SETD6: variants seen among roughly 807,000 people sequenced by gnomAD.
The protein encoded by SETD6 is N-lysine methyltransferase SETD6.
SETD6 carries 67 observed loss-of-function variants against 52.7 expected under a neutral mutation model. The ratio of observed to expected loss-of-function variants is 1.27; its 90% CI spans 1.04 to 1.56. The LOEUF (loss-of-function observed/expected upper bound fraction) is 1.56. Among genes scored for constraint, SETD6 ranks in the 40% most tolerant of loss-of-function variants. The pLI is 0.00. For missense variants in SETD6, 712 were observed against 607.5 expected, an observed-to-expected ratio of 1.17 and a Z score of -1.81; for synonymous variants, 307 against 250.2, an observed-to-expected ratio of 1.23 and a Z score of -2.14.
Position 58,518,927 on chromosome 16 carries a change from T to C in SETD6, c.1320T>C (p.Asn440=). ...AAACTGACCAAGGTTTACTCAGTAA[T>C]AAGGAAGTCTATGCGAAACTCAGCT... The part of the protein sequence containing the change: ...DLKTDQGLLS[N]KEVYAKLSWR... Residue 440 remains asparagine (N), a synonymous_variant, in exon 8 of 8, where the codon AAT becomes AAC. Transcript: ENST00000219315. 1.2e-6 allele frequency: 2 copies of C among 1,614,160 alleles called. No homozygotes were observed. Among genetic ancestry groups the C allele is most frequent in the Non-Finnish European group, 1.7e-6 (2 of 1,180,030 alleles).
rs1162780139 is a variant in SETD6, at chr16:58,520,869, G to A, written c.*1840G>A. 2.0e-5 allele frequency: 27 copies of A among 1,364,972 alleles called. No individual in the cohort carries two copies. Among genetic ancestry groups the A allele is most frequent in the Non-Finnish European group, 2.7e-5 (26 of 968,438 alleles). 84.6% of individuals were successfully genotyped at this position (1,364,972 alleles called of 1,614,324 possible). A position where few individuals can be genotyped will look rare whatever the true frequency, so the allele number is the denominator to read the frequency against. Reference sequence around the variant, plus strand: ...ACAAACCAAAGGGCTGGGAAAGTCAGGAAGAGCTGAAAGGATTCTTCAGTC... The same window carrying A: ...ACAAACCAAAGGGCTGGGAAAGTCAAGAAGAGCTGAAAGGATTCTTCAGTC... On this transcript the variant is annotated 3_prime_UTR_variant, in exon 8 of 8. Coordinates refer to ENST00000219315, the MANE Select transcript of SETD6 (RefSeq NM_001160305.4).
At position 58,516,756 on chromosome 16, in the gene SETD6, C is replaced by G. The variant is rs3743568; in HGVS notation, c.672-52C>G. ...AAAAGTGGAAAAACAGTGAAATCCA[C>G]CCCCAGTCCCTCACCCAAGACAGGG... is the stretch of plus-strand genomic sequence containing the variant. On this transcript the variant is annotated intron_variant, in intron 4 of 7. Transcript: ENST00000219315. 3,069 of 1,611,822 alleles carry G rather than the reference C, an allele frequency of 1.9e-3. 55 individuals are homozygous for G. The Admixed American group carries it at 0.036, about 19-fold the overall frequency.
In SETD6 at chr16:58,516,305, C is replaced by T; in HGVS notation, c.438C>T (p.Leu146=). 2 of 1,606,376 alleles carry T rather than the reference C, an allele frequency of 1.2e-6. No homozygotes were observed. Among genetic ancestry groups the T allele is most frequent in the Non-Finnish European group, 1.7e-6 (2 of 1,179,890 alleles). ...PASRWRPYFA[L]WPELGRLEHP... ...CACGCTGGAGGCCCTACTTTGCGCT[C>T]TGGCCCGAGCTGGGCCGCTTGGAGC... Residue 146 remains leucine, a synonymous_variant, in exon 3 of 8, where the codon CTC becomes CTT. Transcript: ENST00000219315.
Position 58,515,822 on chromosome 16 carries a change from A to ATCCTGTGGCCTGCT in SETD6, c.65_78dup (p.Ser27TrpfsTer5). On this transcript the variant is annotated frameshift_variant, in exon 2 of 8. Transcript: ENST00000219315. LOFTEE classifies it high-confidence loss of function. ...GGGCCCGTGGACGGCGGCGACCTGG[A>ATCCTGTGGCCTGCT]TCCTGTGGCCTGCTTCCTGAGCTGG... 2.6e-6 allele frequency: 4 copies of ATCCTGTGGCCTGCT among 1,536,964 alleles called. No individual in the cohort carries two copies. Among genetic ancestry groups the ATCCTGTGGCCTGCT allele is most frequent in the Non-Finnish European group, 3.5e-6 (4 of 1,151,072 alleles).
chr16:58,518,025 G>A (rs757950087), intron 5 of SETD6, 26 bp from the exon 6 acceptor site: 1 of 1,613,902 alleles, frequency 6.2e-7, no homozygotes, highest in Non-Finnish European at 8.5e-7. Flanking sequence ...GAAAGGCATG[G>A]CCCCAGCTTC....
chr16:58,519,688 C>T lies in SETD6; in HGVS notation c.*659C>T, dbSNP rs1271187015. ...TACCTGGGGGAAAAGGATATTAAAACTGGGTATTTTAAACTCAGCTTAACC... is the reference window on the plus strand; with the variant it reads ...TACCTGGGGGAAAAGGATATTAAAATTGGGTATTTTAAACTCAGCTTAACC... On this transcript the variant is annotated 3_prime_UTR_variant, in exon 8 of 8. Transcript: ENST00000219315. 6.6e-6 allele frequency: 1 copy of T among 151,172 alleles called. No individual in the cohort carries two copies. Among genetic ancestry groups the T allele is most frequent in the East Asian group, 1.9e-4 (1 of 5,182 alleles). 9.4% of individuals were successfully genotyped at this position (151,172 alleles called of 1,614,324 possible). A position where few individuals can be genotyped will look rare whatever the true frequency, so the allele number is the denominator to read the frequency against.
In SETD6 at chr16:58,521,983, C is replaced by T; in HGVS notation, c.*2954C>T. On this transcript the variant is annotated 3_prime_UTR_variant, in exon 8 of 8. Coordinates refer to ENST00000219315, the MANE Select transcript of SETD6 (RefSeq NM_001160305.4). ...CAGATAAATTAAATAAATAAATAAGCTCACTCTCAATAAAAAGGAAACAGA... is the reference window on the plus strand; with the variant it reads ...CAGATAAATTAAATAAATAAATAAGTTCACTCTCAATAAAAAGGAAACAGA... Among the ~76,000 whole-genome samples, 1 of 151,762 alleles carries T rather than the reference C, an allele frequency of 6.6e-6. No individual in the cohort carries two copies. Among genetic ancestry groups the T allele is most frequent in the South Asian group, 2.1e-4 (1 of 4,790 alleles).
rs991184281 is a variant in SETD6 at position 58,518,307 on chromosome 16, A to G, written c.973+76A>G. ...ATGCCTCAGGTTAAATAGCTTTGCT[A>G]AATAGCAGTTGACTTTGTAGACTGG... On this transcript the variant is annotated intron_variant, in intron 6 of 7. Transcript: ENST00000219315. 6.2e-6 allele frequency: 10 copies of G among 1,602,392 alleles called. No individual in the cohort carries two copies. In the African/African-American group the frequency reaches 1.3e-4, roughly 21 times the overall value.
rs909848778 is a variant in SETD6, at chr16:58,520,829, T to C, written c.*1800T>C. On this transcript the variant is annotated 3_prime_UTR_variant, in exon 8 of 8. Transcript: ENST00000219315. ...GACAGGAGGCTGATCCCAACAGTAGTTGGGGCAGATACCCACAAACCAAAG... is the reference window on the plus strand; with the variant it reads ...GACAGGAGGCTGATCCCAACAGTAGCTGGGGCAGATACCCACAAACCAAAG... 1 of 919,884 alleles carries C rather than the reference T, an allele frequency of 1.1e-6. No individual in the cohort carries two copies. Among genetic ancestry groups the C allele is most frequent in the Non-Finnish European group, 1.7e-6 (1 of 588,024 alleles). The allele number at this position is 919,884 out of a possible 1,614,324, so 57.0% of individuals were successfully genotyped here.
rs543786416 is a variant in SETD6, at chr16:58,522,473, A to C, written c.*3444A>C. Among the ~76,000 whole-genome samples the C allele has an allele frequency of 1.9e-4, 29 of 149,222 alleles. No homozygotes were observed. The highest frequency in any genetic ancestry group is 7.3e-4 in the African/African-American group (29 of 39,968). ...ATAAGATATTAAATTTTAGTACACA[A>C]ATCAAAGGAATACCATATTTAGCAC... On this transcript the variant is annotated 3_prime_UTR_variant, in exon 8 of 8. Transcript: ENST00000219315.
chr16:58,518,627 GA>G (rs1340712384), intron 7 of SETD6, 84 bp downstream of exon 7: 10 of 1,576,378 alleles, frequency 6.3e-6, no homozygotes, highest in Non-Finnish European at 8.6e-6. Flanking sequence ...GGAAATGTGG[GA>G]TTTTTAATAA....
Position 58,523,252 on chromosome 16 carries a change from C to CA in SETD6, c.*4233dup, listed in dbSNP as rs903222270. The CA allele has an allele frequency of 0.025, 24,338 of 982,740 alleles. No individual in the cohort carries two copies. Among genetic ancestry groups the CA allele is most frequent in the South Asian group, 0.031 (1,379 of 44,186 alleles). 60.9% of individuals were successfully genotyped at this position (982,740 alleles called of 1,614,324 possible). A position where few individuals can be genotyped will look rare whatever the true frequency, so the allele number is the denominator to read the frequency against. The stretch of plus-strand genomic sequence containing the variant: ...AGAGCAACACTCCGTCTCAAAAAAA[C>CA]AAAAAAAAAACCAACCAAACGGATT... On this transcript the variant is annotated 3_prime_UTR_variant, in exon 8 of 8. Coordinates refer to ENST00000219315, the MANE Select transcript of SETD6 (RefSeq NM_001160305.4).
At chr16:58,517,735 C>CTAAG (rs2039214677) in intron 5 of SETD6, 1 of 374,190 alleles carries the variant, frequency 2.7e-6, no homozygotes. Context: ...TTTGACCTCC[C>CTAAG]TAAGTGCTGG....
chr16:58,516,836 G>C lies in SETD6; in HGVS notation c.700G>C (p.Asp234His), dbSNP rs1357551674. ...SFQEPLEEEEDEKEPNSPVMV... is the reference protein window; with the variant it reads ...SFQEPLEEEEHEKEPNSPVMV... Reference sequence around the variant, plus strand: ...TCAGGAACCACTGGAGGAAGAAGAGGATGAAAAGGAGCCCAACTCCCCCGT... The same window carrying C: ...TCAGGAACCACTGGAGGAAGAAGAGCATGAAAAGGAGCCCAACTCCCCCGT... Residue 234 changes from aspartate to histidine, a missense_variant, in exon 5 of 8, where the codon GAT (aspartate) becomes CAT (histidine). Coordinates refer to ENST00000219315, the MANE Select transcript of SETD6 (RefSeq NM_001160305.4). 6.2e-7 allele frequency: 1 copy of C among 1,614,192 alleles called. No individual in the cohort carries two copies. The highest frequency in any genetic ancestry group is 1.1e-5 in the South Asian group (1 of 91,082).
chr16:58,518,269 T>G, intron 6 of SETD6, 38 bp downstream of exon 6: 1 of 1,613,030 alleles, frequency 6.2e-7, no homozygotes, highest in Non-Finnish European at 8.5e-7. Flanking sequence ...ACACTGATGG[T>G]GTGTCTATAC....
In SETD6 at chr16:58,518,936, C is replaced by T; in HGVS notation, c.1329C>T (p.Val443=). ...AAGGTTTACTCAGTAATAAGGAAGT[C>T]TATGCGAAACTCAGCTGGAGGGAAC... ...TDQGLLSNKE[V]YAKLSWREQQ... is the part of the protein sequence containing the mutation. The change falls in exon 8 of 8, where the codon GTC becomes GTT. Residue 443 remains valine, a synonymous_variant. Coordinates refer to ENST00000219315, the MANE Select transcript of SETD6 (RefSeq NM_001160305.4). 1.2e-6 allele frequency: 2 copies of T among 1,614,172 alleles called. No individual in the cohort carries two copies. Among genetic ancestry groups the T allele is most frequent in the Non-Finnish European group, 1.7e-6 (2 of 1,180,038 alleles).
At position 58,517,478 on chromosome 16, in the gene SETD6, AT is replaced by A. The variant is rs200239953; in HGVS notation, c.792+556del. Reference sequence around the variant, plus strand: ...TCCCACTTTGATCTGCGAAAGTTCCATTTTTTCCCCCCCGAGGCGGAGTCTC... The same window carrying A: ...TCCCACTTTGATCTGCGAAAGTTCCATTTTTCCCCCCCGAGGCGGAGTCTC... On this transcript the variant is annotated intron_variant, in intron 5 of 7. Transcript: ENST00000219315. The A allele has an allele frequency of 8.2e-5, 14 of 171,168 alleles. No individual in the cohort carries two copies. In the South Asian group the frequency reaches 9.0e-4, roughly 11 times the overall value. 10.6% of individuals were successfully genotyped at this position (171,168 alleles called of 1,614,324 possible). A position where few individuals can be genotyped will look rare whatever the true frequency, so the allele number is the denominator to read the frequency against.
rs554510851 is a variant in SETD6 at position 58,522,456 on chromosome 16, T to C, written c.*3427T>C. 3.9e-5 allele frequency among the ~76,000 whole-genome samples: 6 copies of C among 152,208 alleles called. No individual in the cohort carries two copies. Among genetic ancestry groups the C allele is most frequent in the Admixed American group, 1.3e-4 (2 of 15,282 alleles). On this transcript the variant is annotated 3_prime_UTR_variant, in exon 8 of 8. Transcript: ENST00000219315. ...CATCATCTAAGCATCCAATAAGATATTAAATTTTAGTACACAAATCAAAGG... is the reference window on the plus strand; with the variant it reads ...CATCATCTAAGCATCCAATAAGATACTAAATTTTAGTACACAAATCAAAGG...
rs1048212142 is a variant in SETD6, at chr16:58,523,632, T to C, written c.*4603T>C. ...AATCTTTGGTTTAAAGCAGTGGTTCTTGGGACCCCAAAGAGTTCTCATTTC... is the reference window on the plus strand; with the variant it reads ...AATCTTTGGTTTAAAGCAGTGGTTCCTGGGACCCCAAAGAGTTCTCATTTC... On this transcript the variant is annotated 3_prime_UTR_variant, in exon 8 of 8. Transcript: ENST00000219315. 1 of 716,768 alleles carries C rather than the reference T, an allele frequency of 1.4e-6. No individual in the cohort carries two copies. Among genetic ancestry groups the C allele is most frequent in the Non-Finnish European group, 2.2e-6 (1 of 445,806 alleles). The allele number at this position is 716,768 out of a possible 1,614,324, so 44.4% of individuals were successfully genotyped here.
Sources: allele counts gnomAD v4.1 joint callset (sites outside exome capture counted in the v4.1 genomes callset), GRCh38; gene constraint gnomAD v4.1.1; transcripts MANE v1.5; gene names NCBI Gene and HGNC (gene_info 2026-07-23, HGNC 2026-07-21).